The following NRG3 variants were observed in gnomAD, a reference collection of about 807,000 sequenced individuals.
The protein encoded by NRG3 is pro-neuregulin-3, membrane-bound isoform.
A neutral mutation model predicts 66.9 loss-of-function variants in NRG3; 31 were observed. The ratio of observed to expected loss-of-function variants is 0.46; its 90% CI spans 0.35 to 0.63. The LOEUF is 0.63. NRG3 is among the 20% of genes least tolerant of loss of function. NRG3 has a pLI of 0.00. For synonymous variants in NRG3, 393 were observed against 359.4 expected (o/e 1.09, Z -1.06); for missense variants, 910 against 878.9 (o/e 1.04, Z -0.45).
At chr10:82,536,702 T>G (rs1669967102) in intron 2 of NRG3, among the ~76,000 whole-genome samples, 1 of 152,080 alleles carries the variant, frequency 6.6e-6, no homozygotes, top group Admixed American at 6.6e-5. Flanking sequence ...GTAAAGACTT[T>G]GTAATCTGGA....
At chr10:82,238,427 G>A (rs193218845) in intron 1 of NRG3, among the ~76,000 whole-genome samples, 45 of 152,244 alleles carry the variant, frequency 3.0e-4, no homozygotes, top group African/African-American at 1.1e-3. Context: ...TGCCAGTGGG[G>A]AAAGAGTCAT....
At chr10:82,438,521 C>T (rs912545723) in intron 2 of NRG3, among the ~76,000 whole-genome samples, 2 of 152,210 alleles carry the variant, frequency 1.3e-5, no homozygotes, top group Non-Finnish European at 2.9e-5. Context: ...CCCCAAGGAG[C>T]TTAAACCACT....
chr10:82,558,950 A>G (rs904558519), intron 2 of NRG3, among the ~76,000 whole-genome samples: 1 of 152,158 alleles, frequency 6.6e-6, no homozygotes, highest in Non-Finnish European at 1.5e-5. Flanking sequence ...AAAATATTAA[A>G]TATATAAAAA....
At chr10:82,254,942 G>A (rs1165119816) in intron 1 of NRG3, among the ~76,000 whole-genome samples, 1 of 152,142 alleles carries the variant, frequency 6.6e-6, no homozygotes, top group African/African-American at 2.4e-5. Flanking sequence ...AGTCCTTGAG[G>A]TGTTGGCTGT....
chr10:82,786,821 A>G (rs1241242797), intron 3 of NRG3, among the ~76,000 whole-genome samples: 6 of 152,192 alleles, frequency 3.9e-5, no homozygotes, highest in Non-Finnish European at 5.9e-5. Context: ...GGTTAATGCC[A>G]TCATTGCAGG....
chr10:82,001,870 C>T (rs1266087050), intron 1 of NRG3, among the ~76,000 whole-genome samples: 1 of 152,212 alleles, frequency 6.6e-6, no homozygotes, highest in East Asian at 1.9e-4. Flanking sequence ...ATGTTTGGGA[C>T]CTAATAAAGT....
intron 2 of NRG3, among the ~76,000 whole-genome samples, chr10:82,708,519 T>C (rs1311392034): frequency 1.3e-5 from 2 of 152,218 alleles, no homozygotes; most frequent in Non-Finnish European, 2.9e-5. Flanking sequence ...TGTGTCCATG[T>C]GTATTCAATG....
intron 3 of NRG3, among the ~76,000 whole-genome samples, chr10:82,753,466 A>AATC (rs2058955528): frequency 6.6e-6 from 1 of 152,032 alleles, no homozygotes; most frequent in Admixed American, 6.6e-5. Flanking sequence ...TGATTATGAT[A>AATC]GTTCAGGCAC....
At chr10:82,271,730 G>A (rs2078607532) in intron 1 of NRG3, among the ~76,000 whole-genome samples, 1 of 152,018 alleles carries the variant, frequency 6.6e-6, no homozygotes, top group African/African-American at 2.4e-5. Flanking sequence ...CATATTTAAT[G>A]CATTCAAATT....
Position 82,958,931 on chromosome 10 carries a change from G to A in NRG3, c.1158-18G>A, listed in dbSNP as rs200120843. The A allele has an allele frequency of 1.7e-4, 262 of 1,551,272 alleles. No individual in the cohort carries two copies. The highest frequency in any genetic ancestry group is 3.5e-4 in the Middle Eastern group (2 of 5,716). On this transcript the variant is annotated intron_variant, in intron 5 of 8. Transcript: ENST00000372141. The stretch of plus-strand genomic sequence containing the variant: ...TAAAGTCATGCAAATATTTGTACAC[G>A]TTTATTTATGCCTGCAGGAAACAAG...
chr10:82,035,392 A>G (rs2062752285), intron 1 of NRG3, among the ~76,000 whole-genome samples: 1 of 152,094 alleles, frequency 6.6e-6, no homozygotes, highest in Admixed American at 6.6e-5. Flanking sequence ...TTCACAGTGT[A>G]TTTATTCCTT....
intron 1 of NRG3, among the ~76,000 whole-genome samples, chr10:82,272,737 A>G (rs1357283665): frequency 6.6e-6 from 1 of 152,038 alleles, no homozygotes; most frequent in Non-Finnish European, 1.5e-5. Flanking sequence ...CTGATCTGCT[A>G]CATTATTTAT....
At chr10:82,794,262 CCT>C (rs1458567159) in intron 3 of NRG3, among the ~76,000 whole-genome samples, 1 of 152,034 alleles carries the variant, frequency 6.6e-6, no homozygotes, top group African/African-American at 2.4e-5. Flanking sequence ...AATTAAATCT[CCT>C]CTCTCTCCCA....
At chr10:82,020,532 A>G (rs1382570237) in intron 1 of NRG3, among the ~76,000 whole-genome samples, 2 of 152,144 alleles carry the variant, frequency 1.3e-5, no homozygotes, top group Non-Finnish European at 2.9e-5. Context: ...GGTATACACG[A>G]TCTCAATAAA....
intron 2 of NRG3, among the ~76,000 whole-genome samples, chr10:82,538,465 T>G (rs2043310679): frequency 6.6e-6 from 1 of 152,234 alleles, no homozygotes; most frequent in African/African-American, 2.4e-5. Flanking sequence ...GCTTTTCCTT[T>G]TAAAATATCT....
intron 4 of NRG3, among the ~76,000 whole-genome samples, chr10:82,899,095 A>G (rs924041073): frequency 4.6e-5 from 7 of 152,112 alleles, no homozygotes; most frequent in Admixed American, 4.6e-4. Flanking sequence ...CATGTGTATA[A>G]TGAGGGATGT....
chr10:82,971,697 A>C (rs1204700628), intron 6 of NRG3, among the ~76,000 whole-genome samples: 2 of 152,212 alleles, frequency 1.3e-5, no homozygotes, highest in East Asian at 3.9e-4. Flanking sequence ...TCAGCTTCCC[A>C]AAATTCTGGG....
chr10:82,297,011 C>A (rs1291482393), intron 1 of NRG3, among the ~76,000 whole-genome samples: 1 of 152,064 alleles, frequency 6.6e-6, no homozygotes, highest in African/African-American at 2.4e-5. Flanking sequence ...GTTTAGCTCC[C>A]ATTTATACAT....
intron 1 of NRG3, among the ~76,000 whole-genome samples, chr10:81,905,034 C>G (rs551187168): frequency 6.6e-6 from 1 of 152,244 alleles, no homozygotes; most frequent in South Asian, 2.1e-4. Flanking sequence ...CCATCCTGAC[C>G]CTTTCATGCA....
Sources: gnomAD v4.1 joint callset for allele counts (sites outside exome capture counted in the v4.1 genomes callset) on GRCh38, gnomAD v4.1.1 for gene constraint, MANE v1.5 for transcripts, NCBI Gene and HGNC (gene_info 2026-07-23, HGNC 2026-07-21) for gene names.